Variants in ORC1 observed in about 807,000 individuals in gnomAD.
ORC1 encodes origin recognition complex subunit 1.
ORC1 carries 61 observed loss-of-function variants against 98.9 expected under a neutral mutation model. That is an observed-to-expected ratio of 0.62 (90% confidence interval 0.50 to 0.76). The LOEUF is 0.76. Ranked by LOEUF, ORC1 falls within the 30% of genes least tolerant of loss-of-function variation. The pLI, the probability that ORC1 is intolerant of heterozygous loss-of-function variation, is 0.00. For synonymous variants in ORC1, 385 were observed against 406.9 expected (o/e 0.95, Z 0.65); for missense variants, 979 against 1,072.2 (o/e 0.91, Z 1.21).
chr1:52,388,736 C>T, intron 7 of ORC1, 99 bp from the exon 8 acceptor site: 1 of 1,086,772 alleles, frequency 9.2e-7, no homozygotes, highest in South Asian at 1.3e-5. Flanking sequence ...CAGGGTCCCT[C>T]CTGTGACCAG....
intron 5 of ORC1, among the ~76,000 whole-genome samples, chr1:52,395,726 G>C (rs1647362685): frequency 1.3e-5 from 2 of 152,218 alleles, no homozygotes; most frequent in Non-Finnish European, 2.9e-5. Flanking sequence ...TGAGGAAGGA[G>C]GATCATTTGA....
intron 11 of ORC1, among the ~76,000 whole-genome samples, 178 bp from the exon 12 acceptor site, chr1:52,384,115 G>A (rs1421834250): frequency 2.6e-5 from 4 of 152,212 alleles, no homozygotes; most frequent in East Asian, 1.9e-4. Context: ...CGAAAGAGAA[G>A]ATAAAGAAGG....
At chr1:52,388,783 G>T in intron 7 of ORC1, 146 bp from the exon 8 acceptor site, 1 of 701,834 alleles carries the variant, frequency 1.4e-6, no homozygotes. Flanking sequence ...ACTCTGTTAG[G>T]AGCATTATTT....
At chr1:52,397,944 G>T in intron 3 of ORC1, 81 bp from the exon 4 acceptor site, 1 of 1,287,716 alleles carries the variant, frequency 7.8e-7, no homozygotes, top group Non-Finnish European at 1.1e-6. Flanking sequence ...GCCAGACACT[G>T]TGCTTAACCC....
At chr1:52,405,479 A>G (rs558729063), upstream of ORC1, among the ~76,000 whole-genome samples, 15 of 152,378 alleles carry the variant, frequency 9.8e-5, no homozygotes, top group Admixed American at 2.0e-4. Context: ...GTGAGATAAT[A>G]TGAAAAGCTT....
chr1:52,396,489 T>A, intron 4 of ORC1, 125 bp from the exon 5 acceptor site: 1 of 1,152,962 alleles, frequency 8.7e-7, no homozygotes, highest in South Asian at 1.3e-5. Context: ...ACCTTTCCAA[T>A]CTAAAGACGC....
chr1:52,390,582 A>C (rs1045470766), intron 6 of ORC1, among the ~76,000 whole-genome samples: 13 of 152,048 alleles, frequency 8.5e-5, no homozygotes, highest in Non-Finnish European at 8.8e-5. Flanking sequence ...GGACCACCTA[A>C]GGTCTGGAGT....
At chr1:52,408,965 T>G, upstream of ORC1, 1 of 265,818 alleles carries the variant, frequency 3.8e-6, no homozygotes, top group East Asian at 7.4e-5. Flanking sequence ...TTACATGTGC[T>G]CCATCCCAAA....
intron 14 of ORC1, among the ~76,000 whole-genome samples, chr1:52,380,298 CA>C (rs1362361117): frequency 6.6e-6 from 1 of 152,214 alleles, no homozygotes; most frequent in African/African-American, 2.4e-5. Flanking sequence ...CCTGAGAGGA[CA>C]ACCAAGACAA....
intron 6 of ORC1, 96 bp from the exon 7 acceptor site, chr1:52,389,417 A>C: frequency 1.1e-5 from 9 of 831,578 alleles, no homozygotes; most frequent in Non-Finnish European, 1.9e-5. Context: ...ATTGGCTCCC[A>C]GTCTTTTTAT....
chr1:52,400,685 T>C (rs1409437888), intron 3 of ORC1, among the ~76,000 whole-genome samples: 1 of 152,190 alleles, frequency 6.6e-6, no homozygotes, highest in African/African-American at 2.4e-5. Context: ...ATTTCTGTGC[T>C]CTCCTCTTGT....
intron 6 of ORC1, 151 bp from the exon 7 acceptor site, chr1:52,389,472 G>A: frequency 1.5e-6 from 1 of 669,086 alleles, no homozygotes; most frequent in Non-Finnish European, 2.7e-6. Context: ...TAAAAAGTTG[G>A]CAAAAAATTA....
At chr1:52,373,477 A>G (rs1052327708) in intron 16 of ORC1, 102 bp from the exon 17 acceptor site, 3 of 988,160 alleles carry the variant, frequency 3.0e-6, no homozygotes, top group African/African-American at 3.2e-5. Flanking sequence ...CATGGCCCCC[A>G]GGATATCAAA....
intron 14 of ORC1, among the ~76,000 whole-genome samples, chr1:52,379,942 A>T (rs1246458634): frequency 6.6e-6 from 1 of 152,182 alleles, no homozygotes; most frequent in African/African-American, 2.4e-5. Context: ...AAAACAAAAA[A>T]CAAAAAAAAC....
At chr1:52,373,554 C>A (rs1045109618) in intron 16 of ORC1, among the ~76,000 whole-genome samples, 179 bp from the exon 17 acceptor site, 5 of 152,134 alleles carry the variant, frequency 3.3e-5, no homozygotes, top group African/African-American at 1.2e-4. Flanking sequence ...GGAATGCTAG[C>A]CTTGGAATCA....
At chr1:52,383,708 C>T in intron 12 of ORC1, 122 bp downstream of exon 12, 1 of 1,280,516 alleles carries the variant, frequency 7.8e-7, no homozygotes, top group Non-Finnish European at 1.1e-6. Flanking sequence ...ACACGCCTCT[C>T]AGCACCAGAA....
At chr1:52,383,750 G>T in intron 12 of ORC1, 80 bp downstream of exon 12, 1 of 1,361,812 alleles carries the variant, frequency 7.3e-7, no homozygotes, top group Non-Finnish European at 1.0e-6. Flanking sequence ...AAGGGAGCCA[G>T]GACTTTCCTC....
intron 13 of ORC1, 40 bp downstream of exon 13, chr1:52,383,380 A>G: frequency 6.2e-7 from 1 of 1,610,984 alleles, no homozygotes; most frequent in Non-Finnish European, 8.5e-7. Flanking sequence ...CCAAGCTTAC[A>G]GATCTGCAAG....
At chr1:52,380,091 C>T (rs1395560568) in intron 14 of ORC1, among the ~76,000 whole-genome samples, 1 of 152,152 alleles carries the variant, frequency 6.6e-6, no homozygotes, top group East Asian at 1.9e-4. Context: ...CTCTTCTGTA[C>T]CTGACACCAG....
Sources: gnomAD v4.1 joint callset for allele counts (sites outside exome capture counted in the v4.1 genomes callset) on GRCh38, gnomAD v4.1.1 for gene constraint, MANE v1.5 for transcripts, NCBI Gene and HGNC (gene_info 2026-07-23, HGNC 2026-07-21) for gene names.